Variants in CELF2 observed in about 807,000 individuals in gnomAD.
CELF2 encodes CUG triplet repeat RNA-binding protein 2.
A neutral mutation model predicts 62.6 loss-of-function variants in CELF2; 8 were observed. That is an observed-to-expected ratio of 0.13 (90% CI 0.07 to 0.23). CELF2 has a LOEUF of 0.23. Among genes scored for constraint, CELF2 ranks in the 10% least tolerant of loss-of-function variants. The probability of loss-of-function intolerance (pLI) is 1.00; values close to 1 mark genes in which losing one functional copy is unlikely to be tolerated. For synonymous variants in CELF2, 258 were observed against 250.0 expected (o/e 1.03, Z -0.30); for missense variants, 333 against 671.0 (o/e 0.50, Z 5.56).
At chr10:10,756,033 T>A in the CELF2 span, among the ~76,000 whole-genome samples, 1 of 152,194 alleles carries the variant, frequency 6.6e-6, no homozygotes, top group East Asian at 1.9e-4. Flanking sequence ...TTCACAATAA[T>A]TTCATAGACA....
At chr10:10,958,142 G>A (rs1363416807) in intron 2 of CELF2, among the ~76,000 whole-genome samples, 1 of 152,166 alleles carries the variant, frequency 6.6e-6, no homozygotes, top group African/African-American at 2.4e-5. Context: ...GAGAAGGGTG[G>A]ATAAAGGGAA....
chr10:10,917,138 T>C (rs776337123), intron 1 of CELF2, among the ~76,000 whole-genome samples: 5 of 152,194 alleles, frequency 3.3e-5, no homozygotes, highest in Non-Finnish European at 7.3e-5. Context: ...GCCAGTACCA[T>C]AAACAGGTTG....
chr10:10,792,425 A>G, the CELF2 span: 3 of 398,414 alleles, frequency 7.5e-6, no homozygotes, highest in East Asian at 7.1e-5. Flanking sequence ...TTCCATCTCT[A>G]TGAGCAGGTG....
intron 6 of CELF2, 139 bp downstream of exon 6, chr10:11,266,816 T>C: frequency 1.7e-6 from 1 of 598,916 alleles, no homozygotes; most frequent in Non-Finnish European, 2.8e-6. Flanking sequence ...TCATTCATTC[T>C]CATTCTCTCC....
the CELF2 span, among the ~76,000 whole-genome samples, chr10:10,520,565 T>C: frequency 2.0e-5 from 3 of 151,454 alleles, no homozygotes; most frequent in African/African-American, 7.3e-5. Context: ...TGAAATGACA[T>C]GTAAAGGGAA....
chr10:11,164,663 C>CTT (rs536182158), intron 1 of CELF2, among the ~76,000 whole-genome samples: 120 of 141,268 alleles, frequency 8.5e-4, no homozygotes, highest in East Asian at 3.7e-3. Context: ...TCTGGGGCTG[C>CTT]TTTTTTTTTT....
chr10:11,021,019 T>G (rs2058229589), intron 1 of CELF2, among the ~76,000 whole-genome samples: 1 of 152,238 alleles, frequency 6.6e-6, no homozygotes, highest in Admixed American at 6.5e-5. Flanking sequence ...AAACAGGCAC[T>G]GATTTTTTTT....
the CELF2 span, among the ~76,000 whole-genome samples, chr10:10,655,454 C>T: frequency 7.8e-6 from 1 of 128,002 alleles, no homozygotes; most frequent in African/African-American, 2.8e-5. Flanking sequence ...AGGCATCACA[C>T]TACCTGACTT....
In CELF2 at chr10:11,220,666, A is replaced by T. The variant is rs2136029195; in HGVS notation, c.354+3159A>T. Among the ~76,000 whole-genome samples, 1 of 152,338 alleles carries T rather than the reference A, an allele frequency of 6.6e-6. No individual in the cohort carries two copies. Among genetic ancestry groups the T allele is most frequent in the South Asian group, 2.1e-4 (1 of 4,822 alleles). On this transcript the variant is annotated intron_variant, in intron 3 of 12. Coordinates refer to ENST00000633077, the MANE Select transcript of CELF2 (RefSeq NM_001326342.2). This position sits in a 1 kb window ranked among gnomAD's most constrained non-coding sequence, Gnocchi z 4.4. ...TGAAATTCTCAACATAAACCCTAGA[A>T]ATACAATGGCAGTCATAAAGGAAGC...
chr10:10,514,580 C>A, the CELF2 span, among the ~76,000 whole-genome samples: 1 of 152,178 alleles, frequency 6.6e-6, no homozygotes, highest in African/African-American at 2.4e-5. Flanking sequence ...TGGCCGAGAG[C>A]AGGAGCCTAC....
intron 2 of CELF2, among the ~76,000 whole-genome samples, chr10:10,939,627 G>C (rs2135414812): frequency 6.6e-6 from 1 of 152,044 alleles, no homozygotes; most frequent in East Asian, 1.9e-4. Context: ...TCAATGAAGG[G>C]AGGGAAGGAG....
intron 1 of CELF2, among the ~76,000 whole-genome samples, chr10:11,065,630 A>G (rs2067909634): frequency 6.6e-6 from 1 of 152,206 alleles, no homozygotes; most frequent in African/African-American, 2.4e-5. Context: ...TAAATCTAAA[A>G]TATGAAGTTC....
chr10:10,533,127 A>G, the CELF2 span, among the ~76,000 whole-genome samples: 2 of 152,352 alleles, frequency 1.3e-5, no homozygotes, highest in South Asian at 4.1e-4. Context: ...ACTTACCATA[A>G]TATAGCTGTA....
At position 11,243,288 on chromosome 10, in the gene CELF2, C is replaced by G. The variant is rs535588048; in HGVS notation, c.355-5865C>G. Among the ~76,000 whole-genome samples, 130 of 136,526 alleles carry G rather than the reference C, an allele frequency of 9.5e-4. No homozygotes were observed. Among genetic ancestry groups the G allele is most frequent in the African/African-American group, 3.4e-3 (123 of 36,462 alleles). The allele number at this position is 136,526 out of a possible 152,430, so 89.6% of individuals were successfully genotyped here. On this transcript the variant is annotated intron_variant, in intron 3 of 12. Transcript: ENST00000633077. This position sits in a 1 kb window ranked among gnomAD's most constrained non-coding sequence, Gnocchi z 4.1. ...TCGCTATGTTTCACTGGTTTTTAAA[C>G]AAATAGGGCTAAATAGAGACCAAGA...
intron 1 of CELF2, among the ~76,000 whole-genome samples, chr10:11,021,408 A>G (rs2058296845): frequency 1.3e-5 from 2 of 152,206 alleles, no homozygotes; most frequent in African/African-American, 4.8e-5. Flanking sequence ...AATATCTATC[A>G]GTGTATAATT....
chr10:10,914,112 A>C (rs1269054977), intron 1 of CELF2, among the ~76,000 whole-genome samples: 1 of 95,044 alleles, frequency 1.1e-5, no homozygotes, highest in African/African-American at 4.3e-5. Flanking sequence ...ATACAAATAA[A>C]ATCTATTTTA....
intron 1 of CELF2, among the ~76,000 whole-genome samples, chr10:11,114,369 T>C (rs1049763242): frequency 1.3e-5 from 2 of 152,224 alleles, no homozygotes; most frequent in African/African-American, 4.8e-5. Flanking sequence ...GGAGTATTAA[T>C]GAATGAAACT....
At chr10:11,026,869 T>C (rs1593413714) in intron 1 of CELF2, among the ~76,000 whole-genome samples, 1 of 152,212 alleles carries the variant, frequency 6.6e-6, no homozygotes, top group Non-Finnish European at 1.5e-5. Context: ...TGCTTGTTTC[T>C]GCGCATTGAA....
At chr10:11,111,168 C>T (rs2055058895) in intron 1 of CELF2, among the ~76,000 whole-genome samples, 1 of 152,186 alleles carries the variant, frequency 6.6e-6, no homozygotes. Context: ...CTCAGGGGCT[C>T]AGACTTTCTG....
Sources: gnomAD v4.1 joint callset for allele counts (sites outside exome capture counted in the v4.1 genomes callset) on GRCh38, gnomAD v4.1.1 for gene constraint, Gnocchi (gnomAD v3.1) non-coding constraint, MANE v1.5 for transcripts, NCBI Gene and HGNC (gene_info 2026-07-23, HGNC 2026-07-21) for gene names.